Variants in HMCN2 observed in about 807,000 individuals in gnomAD.
HMCN2 encodes the protein hemicentin-2.
Under a neutral mutation model 377.5 loss-of-function variants are expected in HMCN2, and 325 were observed. The observed-to-expected ratio is 0.86, with a 90% CI of 0.79 to 0.94. The LOEUF is 0.94. HMCN2 is among the 40% of genes least tolerant of loss of function. The pLI, the probability that HMCN2 is intolerant of heterozygous loss-of-function variation, is 0.00. For missense variants in HMCN2, 4,543 were observed against 4,725.3 expected (o/e 0.96, Z 1.13); for synonymous variants, 2,007 against 2,046.8 (o/e 0.98, Z 0.53).
In HMCN2 at chr9:130,346,459, C is replaced by T. The variant is rs897662274; in HGVS notation, c.3830-707C>T. Among the ~76,000 whole-genome samples, 11 of 150,332 alleles carry T rather than the reference C, an allele frequency of 7.3e-5. No homozygotes were observed. In the South Asian group the frequency reaches 2.1e-3, roughly 29 times the overall value. On this transcript the variant is annotated intron_variant, in intron 25 of 97. Transcript: ENST00000683500. ...GATCAAGGGGCTGGGGGATGTGGCA[C>T]TCACGGTGGGGCTGGAGGCAGGGGG...
At chr9:130,427,805 G>A (rs149961607) in intron 92 of HMCN2, among the ~76,000 whole-genome samples, 186 bp downstream of exon 92, 38 of 152,290 alleles carry the variant, frequency 2.5e-4, no homozygotes, top group African/African-American at 6.5e-4. Flanking sequence ...TTCTTGCTAT[G>A]GGAGCTGCAG....
In HMCN2 at chr9:130,294,996, G is replaced by C. The variant is rs782082733; in HGVS notation, c.754G>C (p.Gly252Arg). Residue 252 changes from glycine (G) to arginine (R), a missense_variant, in exon 5 of 98, where the codon GGG becomes CGG. Physicochemically the swap from Gly to Arg is moderately radical, Grantham distance 125. Around this residue, in one of 5 missense-constraint regions of HMCN2, gnomAD observed 547 missense variants for 189.9 expected, o/e 2.88. Transcript: ENST00000683500. ...KEVTISLSGP[G>R]PEIEVQDPLG... is the part of the protein sequence containing the mutation. ...GGTCACCATCTCATTGAGTGGGCCA[G>C]GGCCTGAGATTGAAGTCCAAGATCC... The C allele has an allele frequency of 6.4e-6, 3 of 470,622 alleles. No homozygotes were observed. Among genetic ancestry groups the C allele is most frequent in the South Asian group, 4.7e-5 (3 of 64,410 alleles). 29.2% of individuals were successfully genotyped at this position (470,622 alleles called of 1,614,324 possible).
rs1048509706 is a variant in HMCN2, at chr9:130,322,168, A to G, written c.2920+237A>G. On this transcript the variant is annotated intron_variant, in intron 19 of 97. Coordinates refer to ENST00000683500, the MANE Select transcript of HMCN2 (RefSeq NM_001291815.2). ...ATGTATCTTTTCATACTCTATACAC[A>G]CACACTCTCTATATGTATATCACAC... Among the ~76,000 whole-genome samples, 755 of 152,294 alleles carry G rather than the reference A, an allele frequency of 5.0e-3. 9 individuals are homozygous for G. Among genetic ancestry groups the G allele is most frequent in the African/African-American group, 0.017 (724 of 41,532 alleles).
chr9:130,360,574 A>T lies in HMCN2; in HGVS notation c.5920A>T (p.Thr1974Ser), dbSNP rs781193804. 1 of 1,303,842 alleles carries T rather than the reference A, an allele frequency of 7.7e-7. No homozygotes were observed. The highest frequency in any genetic ancestry group is 1.2e-5 in the South Asian group (1 of 81,002). The allele number at this position is 1,303,842 out of a possible 1,614,324, so 80.8% of individuals were successfully genotyped here. ...TGTGGCATCCAATGTGGCAGGTAGC[A>T]CAGAGCTGCGGTATGGCCTACGGGT... is the stretch of plus-strand genomic sequence containing the variant. ...RCVASNVAGS[T>S]ELRYGLRVNV... The change falls in exon 38 of 98, where the codon ACA (threonine) becomes TCA (serine). Residue 1974 changes from threonine to serine, a missense_variant. Around this residue, in one of 5 missense-constraint regions of HMCN2, gnomAD observed 1,032 missense variants for 1,285.1 expected, o/e 0.80. Transcript: ENST00000683500. The surrounding 1 kb of genome is among the most constrained non-coding windows in gnomAD (Gnocchi z 4.7).
At chr9:130,273,790 G>T (rs984533563) in intron 1 of HMCN2, among the ~76,000 whole-genome samples, 1 of 152,138 alleles carries the variant, frequency 6.6e-6, no homozygotes, top group African/African-American at 2.4e-5. Flanking sequence ...GCGCCTCCGC[G>T]CCCGGCCATC....
intron 15 of HMCN2, among the ~76,000 whole-genome samples, chr9:130,311,963 G>A (rs930483492): frequency 2.0e-5 from 3 of 152,172 alleles, no homozygotes; most frequent in South Asian, 2.1e-4. Flanking sequence ...GGACAGCCAC[G>A]GAAACACGAG....
chr9:130,300,751 G>T (rs782644865), intron 8 of HMCN2, among the ~76,000 whole-genome samples: 1 of 152,204 alleles, frequency 6.6e-6, no homozygotes, highest in Non-Finnish European at 1.5e-5. Flanking sequence ...GTTGGTTCCC[G>T]TATGTGTGGC....
intron 4 of HMCN2, among the ~76,000 whole-genome samples, chr9:130,290,492 A>G (rs1157408672): frequency 2.6e-5 from 4 of 152,210 alleles, no homozygotes; most frequent in African/African-American, 7.2e-5. Context: ...TTGCTCAGTG[A>G]TGCTTCCCTC....
intron 39 of HMCN2, among the ~76,000 whole-genome samples, chr9:130,362,613 C>T (rs1323240981): frequency 6.6e-6 from 1 of 152,270 alleles, no homozygotes; most frequent in African/African-American, 2.4e-5. Context: ...CAAGGGCTCA[C>T]TGGCCATGTG....
chr9:130,357,804 C>T lies in HMCN2; in HGVS notation c.5426-30C>T, dbSNP rs999884699. 1.2e-5 allele frequency: 15 copies of T among 1,288,368 alleles called. No homozygotes were observed. In the Admixed American group the frequency reaches 2.3e-4, roughly 20 times the overall value. 79.8% of individuals were successfully genotyped at this position (1,288,368 alleles called of 1,614,324 possible). On this transcript the variant is annotated intron_variant, in intron 34 of 97. Coordinates refer to ENST00000683500, the MANE Select transcript of HMCN2 (RefSeq NM_001291815.2). Reference sequence around the variant, plus strand: ...CACTGTACTCCTCCTGATTCTGACTCGGGCTCTTCCTGACTCTTTCCCTTC... The same window carrying T: ...CACTGTACTCCTCCTGATTCTGACTTGGGCTCTTCCTGACTCTTTCCCTTC...
At chr9:130,399,063 G>T (rs1842743678) in intron 75 of HMCN2, among the ~76,000 whole-genome samples, 2 of 151,804 alleles carry the variant, frequency 1.3e-5, no homozygotes, top group Non-Finnish European at 2.9e-5. Flanking sequence ...GACCAGACTG[G>T]GCAACATAGT....
Position 130,385,583 on chromosome 9 carries a change from C to T in HMCN2, c.9130C>T (p.Pro3044Ser). 1 of 1,304,206 alleles carries T rather than the reference C, an allele frequency of 7.7e-7. No individual in the cohort carries two copies. The highest frequency in any genetic ancestry group is 1.0e-6 in the Non-Finnish European group (1 of 988,886). The allele number at this position is 1,304,206 out of a possible 1,614,324, so 80.8% of individuals were successfully genotyped here. ...VLVPPAFRQA[P>S]RGPQDAVLVR... is the part of the protein sequence containing the mutation. ...AGTTCCCCCGGCCTTCAGGCAGGCT[C>T]CCAGAGGTCCCCAGGATGCGGTCCT... Residue 3044 changes from proline (P) to serine (S), a missense_variant, in exon 60 of 98, where the codon CCC becomes TCC. By Grantham distance (74) the Pro-to-Ser change is moderately conservative (BLOSUM62 -1). Transcript: ENST00000683500.
intron 4 of HMCN2, among the ~76,000 whole-genome samples, chr9:130,289,222 TG>T (rs1187701312): frequency 6.6e-6 from 1 of 152,176 alleles, no homozygotes; most frequent in African/African-American, 2.4e-5. Flanking sequence ...CGGCTGGTTC[TG>T]GGGGCTGGGA....
intron 1 of HMCN2, among the ~76,000 whole-genome samples, chr9:130,270,867 G>A (rs564052018): frequency 6.7e-6 from 1 of 148,408 alleles, no homozygotes; most frequent in Non-Finnish European, 1.5e-5. Context: ...CATGAGCCAC[G>A]GTGCCCAGCC....
At position 130,432,570 on chromosome 9, in the gene HMCN2, G is replaced by A; in HGVS notation, c.14894+15G>A. 6.5e-7 allele frequency: 1 copy of A among 1,548,500 alleles called. No homozygotes were observed. The highest frequency in any genetic ancestry group is 8.7e-7 in the Non-Finnish European group (1 of 1,145,542). On this transcript the variant is annotated intron_variant, in intron 97 of 97. Coordinates refer to ENST00000683500, the MANE Select transcript of HMCN2 (RefSeq NM_001291815.2). Reference sequence around the variant, plus strand: ...CCCAGCCCTGGGTAAGGGCTGAGTTGGCAGGGCCTCGTGCCCTCAGGAAAA... The same window carrying A: ...CCCAGCCCTGGGTAAGGGCTGAGTTAGCAGGGCCTCGTGCCCTCAGGAAAA...
chr9:130,330,702 G>A lies in HMCN2; in HGVS notation c.3359+3227G>A, dbSNP rs1301413167. Among the ~76,000 whole-genome samples the A allele has an allele frequency of 7.9e-5, 12 of 152,178 alleles. No homozygotes were observed. The South Asian group carries it at 1.0e-3, about 13-fold the overall frequency. Reference sequence around the variant, plus strand: ...AGCTGCATCCCAGTCCCTTTGGAGCGGCTCTTATCCTTGTAGGGGCTGTTC... The same window carrying A: ...AGCTGCATCCCAGTCCCTTTGGAGCAGCTCTTATCCTTGTAGGGGCTGTTC... On this transcript the variant is annotated intron_variant, in intron 22 of 97. Coordinates refer to ENST00000683500, the MANE Select transcript of HMCN2 (RefSeq NM_001291815.2).
chr9:130,403,384 A>T (rs1842944261), intron 79 of HMCN2, 56 bp downstream of exon 79: 1 of 1,281,704 alleles, frequency 7.8e-7, no homozygotes, highest in Admixed American at 2.3e-5. Context: ...GGGTCTGGGC[A>T]GGGGGGGAGT....
chr9:130,381,333 A>G (rs963185956), intron 54 of HMCN2, among the ~76,000 whole-genome samples: 3 of 151,152 alleles, frequency 2.0e-5, no homozygotes, highest in African/African-American at 7.3e-5. Flanking sequence ...CTGGAGACCA[A>G]CGCCAGCCCC....
intron 1 of HMCN2, among the ~76,000 whole-genome samples, chr9:130,281,466 T>C (rs1588165970): frequency 1.3e-5 from 2 of 151,588 alleles, no homozygotes; most frequent in South Asian, 4.2e-4. Flanking sequence ...GGCATGGCGG[T>C]ACACCTCTGT....
Sources: allele counts gnomAD v4.1 joint callset (sites outside exome capture counted in the v4.1 genomes callset), GRCh38; gene constraint gnomAD v4.1.1; regional missense constraint gnomAD v4.1.1; non-coding constraint Gnocchi (gnomAD v3.1); transcripts MANE v1.5; gene names NCBI Gene and HGNC (gene_info 2026-07-23, HGNC 2026-07-21).